SLC23A2: variants seen among roughly 807,000 people sequenced by gnomAD.
SLC23A2 encodes the protein solute carrier family 23 member 2.
SLC23A2 carries 36 observed loss-of-function variants against 73.3 expected under a neutral mutation model. The observed-to-expected ratio is 0.49, with a 90% confidence interval of 0.38 to 0.65. The LOEUF is 0.65. Among genes scored for constraint, SLC23A2 ranks in the 30% least tolerant of loss-of-function variants. The pLI, the probability that SLC23A2 is intolerant of heterozygous loss-of-function variation, is 0.00. For synonymous variants in SLC23A2, 343 were observed against 327.3 expected (o/e 1.05, Z -0.52); for missense variants, 507 against 841.6 (o/e 0.60, Z 4.92).
In SLC23A2 at chr20:4,883,964, T is replaced by G; in HGVS notation, c.643-141A>C. ...AACTTGGGAGAGATAGCTAGAAAAT[T>G]CCCCAGGACCCGACAAGAAACTTCA... On this transcript the variant is annotated intron_variant, in intron 8 of 16. Transcript: ENST00000338244. This position sits in a 1 kb window ranked among gnomAD's most constrained non-coding sequence, Gnocchi z 4.5. 2 of 598,346 alleles carry G rather than the reference T, an allele frequency of 3.3e-6. No individual in the cohort carries two copies. The highest frequency in any genetic ancestry group is 1.9e-5 in the African/African-American group (1 of 52,246). 37.1% of individuals were successfully genotyped at this position (598,346 alleles called of 1,614,324 possible).
chr20:4,859,389 A>G lies in SLC23A2; in HGVS notation c.1625-5T>C. The stretch of plus-strand genomic sequence containing the variant: ...CTTGATCGATTCCTGTTATCCCTAG[A>G]AAGAGAACACAGCCATAAACGATCA... On this transcript the variant is annotated splice_region_variant and splice_polypyrimidine_tract_variant and intron_variant, in intron 15 of 16. Transcript: ENST00000338244. The G allele has an allele frequency of 6.3e-7, 1 of 1,595,090 alleles. No homozygotes were observed. The highest frequency in any genetic ancestry group is 1.7e-4 in the Middle Eastern group (1 of 6,020).
intron 15 of SLC23A2, among the ~76,000 whole-genome samples, chr20:4,859,790 A>G (rs1929885862): frequency 6.6e-6 from 1 of 152,270 alleles, no homozygotes. Flanking sequence ...TGGCACCTGC[A>G]GTCATAGAAG....
Position 4,883,728 on chromosome 20 carries a change from G to A in SLC23A2, c.738C>T (p.Thr246=). Residue 246 remains threonine, a synonymous_variant, in exon 9 of 17, where the codon ACC becomes ACT. Transcript: ENST00000338244. This position sits in a 1 kb window ranked among gnomAD's most constrained non-coding sequence, Gnocchi z 4.5. ...GALLKYIGPL[T]ITPTVALIGL... ...CAATTAGGGCCACCGTGGGTGTAAT[G>A]GTCAAGGGACCGATGTACTTCAGTA... The A allele has an allele frequency of 6.2e-7, 1 of 1,614,004 alleles. No homozygotes were observed. Among genetic ancestry groups the A allele is most frequent in the Non-Finnish European group, 8.5e-7 (1 of 1,179,874 alleles).
intron 4 of SLC23A2, among the ~76,000 whole-genome samples, chr20:4,908,363 T>C (rs1228534229): frequency 6.6e-6 from 1 of 152,174 alleles, no homozygotes; most frequent in African/African-American, 2.4e-5. Context: ...GCTTGTACCA[T>C]GTTACATTAA....
At chr20:4,906,016 AT>A (rs1266829309) in intron 4 of SLC23A2, among the ~76,000 whole-genome samples, 2 of 151,916 alleles carry the variant, frequency 1.3e-5, no homozygotes, top group Non-Finnish European at 2.9e-5. Flanking sequence ...TGTGCTTTCT[AT>A]TTTTTTTCTC....
chr20:4,893,403 T>C (rs903174714), intron 6 of SLC23A2, among the ~76,000 whole-genome samples: 3 of 152,058 alleles, frequency 2.0e-5, no homozygotes, highest in African/African-American at 7.2e-5. Context: ...ATCAAAAAAA[T>C]TACACTTGTA....
rs1453449393 is a variant in SLC23A2 at position 4,963,443 on chromosome 20, G to A, written c.-155+7350C>T. ...CCTTAGTCACAGCCACTTAAAAGTA[G>A]TCTGCATGGCTATAAGAATCCCTAA... On this transcript the variant is annotated intron_variant, in intron 2 of 16. Transcript: ENST00000338244. Among the ~76,000 whole-genome samples the A allele has an allele frequency of 4.6e-5, 7 of 152,084 alleles. No individual in the cohort carries two copies. In the East Asian group the frequency reaches 1.4e-3, roughly 29 times the overall value.
At chr20:4,952,945 C>T (rs1189161291) in intron 2 of SLC23A2, among the ~76,000 whole-genome samples, 1 of 151,844 alleles carries the variant, frequency 6.6e-6, no homozygotes, top group Non-Finnish European at 1.5e-5. Flanking sequence ...ATTGCTTGAA[C>T]CCGGGAGGCG....
At chr20:4,953,589 C>T (rs2087236107) in intron 2 of SLC23A2, among the ~76,000 whole-genome samples, 2 of 152,024 alleles carry the variant, frequency 1.3e-5, no homozygotes, top group Non-Finnish European at 2.9e-5. Context: ...ACTCAGATTG[C>T]ATCAAAAAAT....
intron 13 of SLC23A2, among the ~76,000 whole-genome samples, chr20:4,867,412 C>T (rs1033462844): frequency 6.6e-6 from 1 of 152,184 alleles, no homozygotes; most frequent in South Asian, 2.1e-4. Flanking sequence ...TGACATAATG[C>T]ATCATTTATG....
At chr20:4,924,057 G>C (rs1337332349) in intron 3 of SLC23A2, among the ~76,000 whole-genome samples, 1 of 152,028 alleles carries the variant, frequency 6.6e-6, no homozygotes, top group Non-Finnish European at 1.5e-5. Context: ...CTCCGCTCTG[G>C]GGCATCCTCA....
chr20:4,955,156 G>A (rs1163742458), intron 2 of SLC23A2, among the ~76,000 whole-genome samples: 1 of 152,024 alleles, frequency 6.6e-6, no homozygotes. Flanking sequence ...GGAAGGCTGA[G>A]GTAGGAGGAC....
chr20:4,939,043 A>G (rs2087002615), intron 2 of SLC23A2, among the ~76,000 whole-genome samples: 1 of 152,164 alleles, frequency 6.6e-6, no homozygotes, highest in African/African-American at 2.4e-5. Flanking sequence ...GGACTTTGAG[A>G]ACAACCTGGG....
chr20:4,919,749 C>A (rs1392797529), intron 3 of SLC23A2, among the ~76,000 whole-genome samples: 3 of 152,188 alleles, frequency 2.0e-5, no homozygotes, highest in African/African-American at 7.2e-5. Flanking sequence ...CAGCACATTA[C>A]AGCACTCCAC....
At chr20:4,995,026 GGAGAA>G (rs2087995625) in intron 1 of SLC23A2, among the ~76,000 whole-genome samples, 2 of 152,142 alleles carry the variant, frequency 1.3e-5, no homozygotes, top group Admixed American at 6.6e-5. Flanking sequence ...GAAGCAGGGT[GGAGAA>G]GACCCTCAGA....
At chr20:4,917,012 G>A (rs1002898831) in intron 3 of SLC23A2, among the ~76,000 whole-genome samples, 31 of 152,096 alleles carry the variant, frequency 2.0e-4, no homozygotes, top group African/African-American at 6.8e-4. Flanking sequence ...ACACTCCTAA[G>A]CCTAGAAAAA....
chr20:4,945,293 CTTGTTTGT>C (rs141626440), intron 2 of SLC23A2, among the ~76,000 whole-genome samples: 62 of 151,918 alleles, frequency 4.1e-4, no homozygotes, highest in East Asian at 9.6e-4. Context: ...AACTCTTGAT[CTTGTTTGT>C]TTGTTTGTTT....
At chr20:4,967,061 G>A (rs2087487357) in intron 2 of SLC23A2, among the ~76,000 whole-genome samples, 1 of 152,164 alleles carries the variant, frequency 6.6e-6, no homozygotes, top group African/African-American at 2.4e-5. Context: ...AGCACAAGAT[G>A]AAAGGTCAGA....
chr20:4,985,130 C>T lies in SLC23A2; in HGVS notation c.-281-14211G>A, dbSNP rs559312812. On this transcript the variant is annotated intron_variant, in intron 1 of 16. Coordinates refer to ENST00000338244, the MANE Select transcript of SLC23A2 (RefSeq NM_005116.6). The stretch of plus-strand genomic sequence containing the variant: ...CCAGCCTGGTGACAGAGCAAGACTC[C>T]GTCTCCAAAAAAAAAAAAAAAAAAA... 9.4e-3 allele frequency among the ~76,000 whole-genome samples: 1,138 copies of T among 121,306 alleles called. 39 individuals are homozygous for T. In the South Asian group the frequency reaches 0.16, roughly 18 times the overall value. 79.6% of individuals were successfully genotyped at this position (121,306 alleles called of 152,430 possible). A position where few individuals can be genotyped will look rare whatever the true frequency, so the allele number is the denominator to read the frequency against.
Sources: allele counts gnomAD v4.1 joint callset (sites outside exome capture counted in the v4.1 genomes callset), GRCh38; gene constraint gnomAD v4.1.1; non-coding constraint Gnocchi (gnomAD v3.1); transcripts MANE v1.5; gene names NCBI Gene and HGNC (gene_info 2026-07-23, HGNC 2026-07-21).